Variants in LY96 observed in about 807,000 individuals in gnomAD.
LY96 encodes the protein myeloid differentiation protein-2.
Under a neutral mutation model 18.9 loss-of-function variants are expected in LY96, and 18 were observed. The observed-to-expected ratio is 0.95, with a 90% CI of 0.66 to 1.41. The LOEUF (loss-of-function observed/expected upper bound fraction) is 1.41, where lower values mean the gene tolerates loss of function less well. Ranked by LOEUF, LY96 falls within the 40% of genes most tolerant of loss-of-function variation. LY96 has a pLI of 0.00. For synonymous variants in LY96, 66 were observed against 62.6 expected (o/e 1.06, Z -0.26); for missense variants, 175 against 182.4 (o/e 0.96, Z 0.23).
chr8:74,092,286 G>A, the LY96 span, among the ~76,000 whole-genome samples: 1 of 152,186 alleles, frequency 6.6e-6, no homozygotes, highest in African/African-American at 2.4e-5. Flanking sequence ...GAGGCTCCCA[G>A]CAGAGTTCCA....
At chr8:74,081,692 C>T in the LY96 span, among the ~76,000 whole-genome samples, 4 of 151,980 alleles carry the variant, frequency 2.6e-5, no homozygotes, top group Non-Finnish European at 5.9e-5. Context: ...CTCACTCTGT[C>T]ACCCAGGCTG....
chr8:73,993,644 T>C (rs570243040), intron 1 of LY96, among the ~76,000 whole-genome samples: 4 of 152,166 alleles, frequency 2.6e-5, no homozygotes, highest in Non-Finnish European at 5.9e-5. Flanking sequence ...GGTTTTGCCA[T>C]GTTGACCAGG....
At chr8:74,081,070 T>TCTCTTTCTC in the LY96 span, among the ~76,000 whole-genome samples, 4 of 127,172 alleles carry the variant, frequency 3.1e-5, no homozygotes, top group African/African-American at 1.4e-4. Flanking sequence ...CTTTCTTACT[T>TCTCTTTCTC]TCTTTCTTCT....
At chr8:73,996,369 ATTCCTTTCTTTC>A (rs1309054988) in intron 1 of LY96, among the ~76,000 whole-genome samples, 97 of 53,734 alleles carry the variant, frequency 1.8e-3, no homozygotes, top group South Asian at 2.9e-3. Context: ...TCCTTCCTTC[ATTCCTTTCTTTC>A]TTTCTTTCTT....
chr8:73,996,368 C>CCTTCCTTCATTT (rs1816132646), intron 1 of LY96, among the ~76,000 whole-genome samples: 3 of 62,474 alleles, frequency 4.8e-5, no homozygotes, highest in Admixed American at 2.1e-4. Context: ...TTCCTTCCTT[C>CCTTCCTTCATTT]ATTCCTTTCT....
the LY96 span, among the ~76,000 whole-genome samples, chr8:74,046,837 C>G: frequency 1.3e-5 from 2 of 151,746 alleles, no homozygotes; most frequent in Non-Finnish European, 2.9e-5. Flanking sequence ...TAAATTAGAA[C>G]TTATCTTTTA....
intron 3 of LY96, among the ~76,000 whole-genome samples, chr8:74,014,958 G>A (rs1432406971): frequency 6.6e-6 from 1 of 152,128 alleles, no homozygotes; most frequent in Non-Finnish European, 1.5e-5. Context: ...TGCAATCCCA[G>A]CACTTTGTGA....
chr8:74,085,974 A>G, the LY96 span, among the ~76,000 whole-genome samples: 6 of 152,134 alleles, frequency 3.9e-5, no homozygotes, highest in African/African-American at 1.4e-4. Flanking sequence ...CCTGCGGTAA[A>G]TTAGATCCCT....
downstream of LY96, among the ~76,000 whole-genome samples, chr8:74,029,729 G>A (rs886344167): frequency 1.3e-5 from 2 of 152,022 alleles, no homozygotes; most frequent in Non-Finnish European, 2.9e-5. Context: ...GCACCATCTC[G>A]GCTCACTGCA....
chr8:74,033,052 AG>A (rs1816996008), downstream of LY96, among the ~76,000 whole-genome samples: 1 of 152,194 alleles, frequency 6.6e-6, no homozygotes, highest in Non-Finnish European at 1.5e-5. Flanking sequence ...TTTGGGGTTT[AG>A]GGGGCCCTTT....
chr8:74,066,974 C>T, the LY96 span, among the ~76,000 whole-genome samples: 4 of 152,214 alleles, frequency 2.6e-5, no homozygotes, highest in East Asian at 3.9e-4. Context: ...TACAGGGGCT[C>T]ATCCTAGGAG....
the LY96 span, among the ~76,000 whole-genome samples, chr8:74,098,327 C>T: frequency 6.6e-6 from 1 of 152,034 alleles, no homozygotes; most frequent in African/African-American, 2.4e-5. Context: ...GCTAATCATG[C>T]CAGAATTGTC....
chr8:74,041,345 T>C, the LY96 span, among the ~76,000 whole-genome samples: 1 of 152,184 alleles, frequency 6.6e-6, no homozygotes, highest in Non-Finnish European at 1.5e-5. Flanking sequence ...AAATTGATTG[T>C]AAAACATGTG....
chr8:74,080,988 T>C, the LY96 span, among the ~76,000 whole-genome samples: 2,614 of 44,990 alleles, frequency 0.058, 30 homozygotes, highest in African/African-American at 0.11. Context: ...TTCTCTCTCT[T>C]TCTTTCTTTC....
At chr8:74,084,571 G>A in the LY96 span, among the ~76,000 whole-genome samples, 6,760 of 152,124 alleles carry the variant, frequency 0.044, 277 homozygotes, top group African/African-American at 0.11. Context: ...TCCTCTGGCC[G>A]CATCTGTAAT....
the LY96 span, among the ~76,000 whole-genome samples, chr8:74,085,016 A>G: frequency 6.6e-6 from 1 of 152,226 alleles, no homozygotes; most frequent in Non-Finnish European, 1.5e-5. Context: ...CGGTGTGATT[A>G]CTCCAGATAG....
At chr8:74,043,657 G>A in the LY96 span, among the ~76,000 whole-genome samples, 1 of 152,028 alleles carries the variant, frequency 6.6e-6, no homozygotes, top group Non-Finnish European at 1.5e-5. Flanking sequence ...TACATACACT[G>A]GTTGAAAATA....
chr8:74,086,418 A>G, the LY96 span, among the ~76,000 whole-genome samples: 1 of 152,204 alleles, frequency 6.6e-6, no homozygotes, highest in African/African-American at 2.4e-5. Context: ...CTCATTGAAG[A>G]CTACATGGAG....
At chr8:74,080,996 TTCTTTC>T in the LY96 span, among the ~76,000 whole-genome samples, 7 of 103,718 alleles carry the variant, frequency 6.7e-5, no homozygotes, top group Non-Finnish European at 1.3e-4. Context: ...CTTTCTTTCT[TTCTTTC>T]TTTCTTTCTT....
Sources: gnomAD v4.1 joint callset for allele counts (sites outside exome capture counted in the v4.1 genomes callset) on GRCh38, gnomAD v4.1.1 for gene constraint, MANE v1.5 for transcripts, NCBI Gene and HGNC (gene_info 2026-07-23, HGNC 2026-07-21) for gene names.